RMI1: variants seen among roughly 807,000 people sequenced by gnomAD.
RMI1 encodes RecQ mediated genome instability 1.
RMI1 carries 36 observed loss-of-function variants against 46.7 expected under a neutral mutation model. The ratio of observed to expected loss-of-function variants is 0.77; its 90% CI spans 0.59 to 1.02. The LOEUF is 1.02. RMI1 is among the 50% of genes least tolerant of loss of function. The pLI is 0.00. For missense variants in RMI1, 676 were observed against 713.7 expected, an observed-to-expected ratio of 0.95 and a Z score of 0.60; for synonymous variants, 250 against 252.9, an observed-to-expected ratio of 0.99 and a Z score of 0.11.
Position 84,001,465 on chromosome 9 carries a change from A to G in RMI1, c.479A>G (p.Asp160Gly). 1 of 1,614,096 alleles carries G rather than the reference A, an allele frequency of 6.2e-7. No homozygotes were observed. The highest frequency in any genetic ancestry group is 8.5e-7 in the Non-Finnish European group (1 of 1,179,996). ...CAGCCTATTCCAATTCTTCATAGTGATCTTCCTCCAGGTACAAAAATTTTG... is the reference window on the plus strand; with the variant it reads ...CAGCCTATTCCAATTCTTCATAGTGGTCTTCCTCCAGGTACAAAAATTTTG... ...EYQPIPILHS[D>G]LPPGTKILIY... The change falls in exon 3 of 3, where the codon GAT (aspartate) becomes GGT (glycine). Residue 160 changes from aspartate (D) to glycine (G), a missense_variant. Asp to Gly is a moderately conservative substitution (Grantham distance 94). Coordinates refer to ENST00000445877, the MANE Select transcript of RMI1 (RefSeq NM_001358291.2).
intron 1 of RMI1, among the ~76,000 whole-genome samples, chr9:83,989,425 C>A (rs1187738325): frequency 1.3e-5 from 2 of 152,040 alleles, no homozygotes; most frequent in African/African-American, 4.8e-5. Flanking sequence ...AAAACATTTG[C>A]AAAATATCCA....
chr9:83,987,782 G>T (rs193281337), intron 1 of RMI1, among the ~76,000 whole-genome samples: 83 of 152,282 alleles, frequency 5.5e-4, no homozygotes, highest in African/African-American at 1.7e-3. Context: ...TGACATTCAT[G>T]CATATTATTC....
intron 1 of RMI1, among the ~76,000 whole-genome samples, chr9:83,995,147 G>A (rs1169207475): frequency 5.3e-5 from 8 of 151,328 alleles, no homozygotes; most frequent in Non-Finnish European, 8.8e-5. Flanking sequence ...TTACAGGTGC[G>A]TGCAACCATG....
rs1449051488 is a variant in RMI1, at chr9:84,002,258, TAATAA to T, written c.1280_1284del (p.Ile427ThrfsTer7). The T allele has an allele frequency of 1.2e-6, 2 of 1,606,720 alleles. No individual in the cohort carries two copies. Among genetic ancestry groups the T allele is most frequent in the East Asian group, 2.2e-5 (1 of 44,772 alleles). ...ATAAAGAAAAGAACTTAGAGACAGATAATAAAATAAAACAAACCAGCAGTTCAGAT... is the reference window on the plus strand; with the variant it reads ...ATAAAGAAAAGAACTTAGAGACAGATAATAAAACAAACCAGCAGTTCAGAT... On this transcript the variant is annotated frameshift_variant, in exon 3 of 3. Transcript: ENST00000445877. LOFTEE classifies it high-confidence loss of function.
At position 84,001,644 on chromosome 9, in the gene RMI1, G is replaced by C; in HGVS notation, c.658G>C (p.Val220Leu). Reference protein sequence around the residue: ...LIGEPDLVVSVIPNNSNENIP... With the variant: ...LIGEPDLVVSLIPNNSNENIP... ...AGGGGAACCTGATCTTGTAGTTTCAGTCATACCAAACAATTCTAACGAAAA... is the reference window on the plus strand; with the variant it reads ...AGGGGAACCTGATCTTGTAGTTTCACTCATACCAAACAATTCTAACGAAAA... The change falls in exon 3 of 3, where the codon GTC (valine) becomes CTC (leucine). Residue 220 changes from valine (V) to leucine (L), a missense_variant. Coordinates refer to ENST00000445877, the MANE Select transcript of RMI1 (RefSeq NM_001358291.2). The C allele has an allele frequency of 2.5e-6, 4 of 1,614,026 alleles. No homozygotes were observed. Among genetic ancestry groups the C allele is most frequent in the Non-Finnish European group, 3.4e-6 (4 of 1,179,984 alleles).
chr9:84,001,572 G>A lies in RMI1; in HGVS notation c.586G>A (p.Ala196Thr), dbSNP rs557538407. The change falls in exon 3 of 3, where the codon GCT becomes ACT. Residue 196 changes from alanine to threonine, a missense_variant. By Grantham distance (58) the Ala-to-Thr change is moderately conservative (BLOSUM62 0). Coordinates refer to ENST00000445877, the MANE Select transcript of RMI1 (RefSeq NM_001358291.2). ...NVKVLGGEVD[A>T]LLEEYAQEKV... is the part of the protein sequence containing the mutation. ...GAAAGTGTTAGGAGGTGAAGTAGAT[G>A]CTCTTTTAGAAGAATATGCCCAAGA... 2.5e-6 allele frequency: 4 copies of A among 1,613,784 alleles called. No homozygotes were observed. Among genetic ancestry groups the A allele is most frequent in the Non-Finnish European group, 3.4e-6 (4 of 1,179,968 alleles).
chr9:83,986,213 GATAA>G (rs1468319034), intron 1 of RMI1, among the ~76,000 whole-genome samples: 6 of 152,184 alleles, frequency 3.9e-5, no homozygotes, highest in Non-Finnish European at 8.8e-5. Flanking sequence ...CTATCACAAA[GATAA>G]ATATAGTAGG....
chr9:84,000,029 CAG>C, intron 2 of RMI1, among the ~76,000 whole-genome samples: 1 of 152,270 alleles, frequency 6.6e-6, no homozygotes, highest in East Asian at 1.9e-4. Flanking sequence ...TCTATCAGCT[CAG>C]AGTCTGCTGT....
chr9:84,000,874 C>T (rs995550094), intron 2 of RMI1, 77 bp from the exon 3 acceptor site: 31 of 733,220 alleles, frequency 4.2e-5, no homozygotes, highest in Middle Eastern at 3.9e-4. Flanking sequence ...GTGTGCCTGT[C>T]TGTGCATTGT....
intron 1 of RMI1, among the ~76,000 whole-genome samples, chr9:83,984,394 C>G (rs1957461436): frequency 1.3e-5 from 2 of 151,658 alleles, no homozygotes; most frequent in South Asian, 4.2e-4. Context: ...CTCAGCCTCC[C>G]GAGTAGCTGG....
At chr9:83,996,226 AGTTCTGGACCACACTAC>A (rs1957651174) in intron 1 of RMI1, among the ~76,000 whole-genome samples, 1 of 152,198 alleles carries the variant, frequency 6.6e-6, no homozygotes, top group Non-Finnish European at 1.5e-5. Context: ...TGAATAGCCC[AGTTCTGGACCACACTAC>A]GTGTGTTATA....
chr9:83,982,730 C>T (rs1353317763), intron 1 of RMI1, among the ~76,000 whole-genome samples: 1 of 152,020 alleles, frequency 6.6e-6, no homozygotes, highest in East Asian at 1.9e-4. Flanking sequence ...CCAGACTGGA[C>T]CCCGACTGGT....
chr9:84,003,489 A>G lies in RMI1; in HGVS notation c.*625A>G, dbSNP rs1588476660. ...ATTATAAATAGGTAATTTCCTTCTA[A>G]TATGTTGGTACTGTCTATGGCCATA... is the stretch of plus-strand genomic sequence containing the variant. On this transcript the variant is annotated 3_prime_UTR_variant, in exon 3 of 3. Transcript: ENST00000445877. 1 of 166,944 alleles carries G rather than the reference A, an allele frequency of 6.0e-6. No individual in the cohort carries two copies. The highest frequency in any genetic ancestry group is 2.1e-4 in the South Asian group (1 of 4,832). 10.3% of individuals were successfully genotyped at this position (166,944 alleles called of 1,614,324 possible).
At chr9:83,982,345 A>G (rs1207110228) in intron 1 of RMI1, among the ~76,000 whole-genome samples, 1 of 152,172 alleles carries the variant, frequency 6.6e-6, no homozygotes, top group Non-Finnish European at 1.5e-5. Context: ...GATGAGTGGG[A>G]ATCACAAGTA....
chr9:83,991,348 A>G (rs1168539665), intron 1 of RMI1, among the ~76,000 whole-genome samples: 1 of 150,046 alleles, frequency 6.7e-6, no homozygotes, highest in Non-Finnish European at 1.5e-5. Flanking sequence ...ACAGGTTCTC[A>G]CTTTGTGTCC....
upstream of RMI1, chr9:83,980,524 G>C (rs547130450): frequency 2.4e-3 from 362 of 153,074 alleles, 1 homozygote; most frequent in Non-Finnish European, 2.8e-3. Context: ...GAACAAGTGG[G>C]ACACAGGCAA....
Position 84,001,850 on chromosome 9 carries a change from A to G in RMI1, c.864A>G (p.Glu288=). 6.2e-7 allele frequency: 1 copy of G among 1,614,080 alleles called. No homozygotes were observed. Among genetic ancestry groups the G allele is most frequent in the Non-Finnish European group, 8.5e-7 (1 of 1,179,954 alleles). The change falls in exon 3 of 3, where the codon GAA becomes GAG. Residue 288 remains glutamate (E), a synonymous_variant. Transcript: ENST00000445877. ...CAAGACAGTCAAGTTTTGAGCCAGA[A>G]TTTGTTATTTCTCCAAGACCAAAAG... ...IPTRQSSFEP[E]FVISPRPKEE...
At chr9:83,988,563 C>T (rs1451342881) in intron 1 of RMI1, among the ~76,000 whole-genome samples, 2 of 152,200 alleles carry the variant, frequency 1.3e-5, no homozygotes, top group Non-Finnish European at 2.9e-5. Flanking sequence ...CTCAGCCTCT[C>T]AAAGTGCTGG....
intron 1 of RMI1, among the ~76,000 whole-genome samples, chr9:83,985,387 T>C (rs574101831): frequency 6.6e-6 from 1 of 152,332 alleles, no homozygotes; most frequent in South Asian, 2.1e-4. Flanking sequence ...CCTAAAGTTC[T>C]TGACTTTTTG....
Sources: allele counts gnomAD v4.1 joint callset (sites outside exome capture counted in the v4.1 genomes callset), GRCh38; gene constraint gnomAD v4.1.1; transcripts MANE v1.5; gene names NCBI Gene and HGNC (gene_info 2026-07-23, HGNC 2026-07-21).